TIAM2: variants seen among roughly 807,000 people sequenced by gnomAD.
TIAM2 encodes TIAM Rac1 associated GEF 2, also known as rho guanine nucleotide exchange factor TIAM2.
TIAM2 carries 80 observed loss-of-function variants against 152.9 expected under a neutral mutation model. The ratio of observed to expected loss-of-function variants is 0.52; its 90% CI spans 0.44 to 0.63. TIAM2 has a LOEUF of 0.63. Among genes scored for constraint, TIAM2 ranks in the 30% least tolerant of loss-of-function variants. The probability of loss-of-function intolerance (pLI) is 0.00; values close to 1 mark genes in which losing one functional copy is unlikely to be tolerated. For missense variants in TIAM2, 1,965 were observed against 2,120.1 expected, an observed-to-expected ratio of 0.93 and a Z score of 1.44; for synonymous variants, 804 against 838.0, an observed-to-expected ratio of 0.96 and a Z score of 0.70.
At chr6:155,011,658 T>A (rs1778491687) in intron 1 of TIAM2, among the ~76,000 whole-genome samples, 1 of 152,194 alleles carries the variant, frequency 6.6e-6, no homozygotes, top group South Asian at 2.1e-4. Flanking sequence ...CACCCTCAGT[T>A]TTTATACCTC....
intron 4 of TIAM2, among the ~76,000 whole-genome samples, chr6:155,133,014 A>G (rs1411218987): frequency 1.3e-5 from 2 of 152,140 alleles, no homozygotes; most frequent in Admixed American, 1.3e-4. Context: ...TCAATTCTGC[A>G]TTGTCCAAAA....
intron 2 of TIAM2, among the ~76,000 whole-genome samples, chr6:155,115,014 G>A (rs1300267985): frequency 6.6e-6 from 1 of 151,908 alleles, no homozygotes; most frequent in Non-Finnish European, 1.5e-5. Context: ...CTTTGGTAGA[G>A]ATGGGGTTTC....
chr6:155,252,026 T>C, intron 23 of TIAM2, 23 bp downstream of exon 23: 1 of 1,572,072 alleles, frequency 6.4e-7, no homozygotes, highest in Non-Finnish European at 8.7e-7. Context: ...TTCATTTTAA[T>C]TTAAGCTACC....
At chr6:155,228,387 C>T (rs1782321138) in intron 15 of TIAM2, among the ~76,000 whole-genome samples, 1 of 151,936 alleles carries the variant, frequency 6.6e-6, no homozygotes, top group Non-Finnish European at 1.5e-5. Flanking sequence ...CTTTATTGTC[C>T]AATCATGAAT....
chr6:155,212,731 A>G (rs1159421621), intron 15 of TIAM2, among the ~76,000 whole-genome samples: 2 of 152,108 alleles, frequency 1.3e-5, no homozygotes, highest in Admixed American at 6.5e-5. Context: ...CTCAACTTGC[A>G]CTACTGGCCT....
chr6:155,104,562 C>G (rs986048151), intron 2 of TIAM2, among the ~76,000 whole-genome samples: 9 of 152,020 alleles, frequency 5.9e-5, no homozygotes, highest in South Asian at 2.1e-4. Context: ...TCGAGACCAT[C>G]CTGGCTAACA....
At chr6:155,228,116 T>C (rs987553974) in intron 15 of TIAM2, among the ~76,000 whole-genome samples, 1 of 152,156 alleles carries the variant, frequency 6.6e-6, no homozygotes, top group Non-Finnish European at 1.5e-5. Flanking sequence ...GAGTCTGGGC[T>C]CAGGTAGTTG....
chr6:155,182,242 G>A lies in TIAM2; in HGVS notation c.2724G>A (p.Ala908=), dbSNP rs938220269. The change falls in exon 13 of 27, where the codon GCG becomes GCA. Residue 908 remains alanine (A), a synonymous_variant. Coordinates refer to ENST00000682666, the MANE Select transcript of TIAM2 (RefSeq NM_012454.4). ...CATTCCTAGGGTTTGCAGTTACAGC[G>A]CAGGTGGATGAGCGTCAGCATCTCA... ...SVCDFGFAVT[A]QVDERQHLSR... is the part of the protein sequence containing the mutation. 5.6e-6 allele frequency: 9 copies of A among 1,614,016 alleles called. No homozygotes were observed. Among genetic ancestry groups the A allele is most frequent in the South Asian group, 3.3e-5 (3 of 91,082 alleles).
intron 1 of TIAM2, among the ~76,000 whole-genome samples, chr6:155,071,426 G>A (rs185519701): frequency 1.7e-4 from 26 of 152,294 alleles, no homozygotes; most frequent in Admixed American, 1.3e-3. Context: ...TTATTAAGTT[G>A]TTATTCAATA....
chr6:155,228,554 T>C (rs1486890923), intron 15 of TIAM2, among the ~76,000 whole-genome samples: 1 of 151,704 alleles, frequency 6.6e-6, no homozygotes. Context: ...GGGTGAAAAA[T>C]GGGTTAGAGA....
In TIAM2 at chr6:155,061,179, C is replaced by G. The variant is rs574140356; in HGVS notation, c.-208-29110C>G. Reference sequence around the variant, plus strand: ...AGGAAGTTTTTGTATGCATACTAATCCATGTGTACACACATTTATATCTGT... The same window carrying G: ...AGGAAGTTTTTGTATGCATACTAATGCATGTGTACACACATTTATATCTGT... On this transcript the variant is annotated intron_variant, in intron 1 of 26. Transcript: ENST00000682666. 8.5e-5 allele frequency among the ~76,000 whole-genome samples: 13 copies of G among 152,268 alleles called. No homozygotes were observed. In the South Asian group the frequency reaches 1.7e-3, roughly 19 times the overall value.
At chr6:155,141,550 C>G (rs1024238528) in intron 5 of TIAM2, among the ~76,000 whole-genome samples, 1 of 152,102 alleles carries the variant, frequency 6.6e-6, no homozygotes, top group African/African-American at 2.4e-5. Flanking sequence ...ATATGAGGGA[C>G]GTACATGTTT....
At chr6:155,102,571 C>A (rs1778574989) in intron 2 of TIAM2, among the ~76,000 whole-genome samples, 1 of 152,006 alleles carries the variant, frequency 6.6e-6, no homozygotes, top group South Asian at 2.1e-4. Context: ...TGTTCCAATG[C>A]CCCATCTTAT....
intron 14 of TIAM2, among the ~76,000 whole-genome samples, chr6:155,199,842 A>C (rs1482943430): frequency 6.6e-6 from 1 of 152,218 alleles, no homozygotes; most frequent in African/African-American, 2.4e-5. Flanking sequence ...AAGTTCACAA[A>C]GAACCTTAAA....
At chr6:155,104,480 C>CA (rs1778631785) in intron 2 of TIAM2, among the ~76,000 whole-genome samples, 1 of 152,072 alleles carries the variant, frequency 6.6e-6, no homozygotes, top group Non-Finnish European at 1.5e-5. Context: ...AAAGCATGGC[C>CA]GGCACGGTGG....
chr6:155,162,698 T>C (rs1434467497), intron 7 of TIAM2, among the ~76,000 whole-genome samples: 1 of 152,208 alleles, frequency 6.6e-6, no homozygotes, highest in Non-Finnish European at 1.5e-5. Flanking sequence ...TCAGACCTAA[T>C]GGATAAAATC....
At chr6:154,999,919 C>T (rs552641303) in intron 1 of TIAM2, among the ~76,000 whole-genome samples, 64 of 152,054 alleles carry the variant, frequency 4.2e-4, no homozygotes, top group African/African-American at 1.2e-3. Context: ...CCTTGTGATC[C>T]GCCCGCCTCG....
intron 1 of TIAM2, among the ~76,000 whole-genome samples, chr6:155,024,041 C>G (rs1776549751): frequency 6.6e-6 from 1 of 152,104 alleles, no homozygotes; most frequent in Non-Finnish European, 1.5e-5. Context: ...GACAGATTCC[C>G]TCCCACTCTG....
chr6:155,001,753 T>C (rs1419321629), intron 1 of TIAM2, among the ~76,000 whole-genome samples: 1 of 152,244 alleles, frequency 6.6e-6, no homozygotes, highest in Non-Finnish European at 1.5e-5. Flanking sequence ...CATGGTTAGG[T>C]TTCTGAATGT....
Sources: gnomAD v4.1 joint callset for allele counts (sites outside exome capture counted in the v4.1 genomes callset) on GRCh38, gnomAD v4.1.1 for gene constraint, MANE v1.5 for transcripts, NCBI Gene and HGNC (gene_info 2026-07-23, HGNC 2026-07-21) for gene names.